The following LPP variants were observed in gnomAD, a reference collection of about 807,000 sequenced individuals.
LPP encodes LIM domain containing preferred translocation partner in lipoma.
LPP carries 38 observed loss-of-function variants against 60.4 expected under a neutral mutation model. The ratio of observed to expected loss-of-function variants is 0.63; its 90% CI spans 0.49 to 0.83. LPP has a LOEUF of 0.83. LPP is among the 40% of genes least tolerant of loss of function. The pLI, the probability that LPP is intolerant of heterozygous loss-of-function variation, is 0.00. For synonymous variants in LPP, 328 were observed against 290.8 expected (o/e 1.13, Z -1.30); for missense variants, 902 against 783.6 (o/e 1.15, Z -1.80).
intron 1 of LPP, among the ~76,000 whole-genome samples, chr3:188,178,359 C>T (rs1367892022): frequency 6.6e-6 from 1 of 152,172 alleles, no homozygotes; most frequent in Non-Finnish European, 1.5e-5. Flanking sequence ...GGTGATTGTC[C>T]ATGTTTCTTC....
upstream of LPP, chr3:188,153,576 A>G (rs1334515699): frequency 1.3e-5 from 2 of 152,170 alleles, no homozygotes; most frequent in African/African-American, 4.8e-5. Flanking sequence ...CAAAGTCTCC[A>G]CATCTCCCTC....
intron 9 of LPP, among the ~76,000 whole-genome samples, chr3:188,810,566 CTTTT>C (rs1210745589): frequency 6.6e-6 from 1 of 152,018 alleles, no homozygotes; most frequent in Non-Finnish European, 1.5e-5. Flanking sequence ...TGCTATTAAT[CTTTT>C]TTGTGTCTAA....
At chr3:188,761,316 C>T (rs1305167751) in intron 9 of LPP, among the ~76,000 whole-genome samples, 4 of 152,146 alleles carry the variant, frequency 2.6e-5, no homozygotes, top group Non-Finnish European at 5.9e-5. Context: ...GCAGCTCTAA[C>T]CCATTGTAAC....
At chr3:188,418,787 C>T (rs765297480) in intron 4 of LPP, among the ~76,000 whole-genome samples, 7 of 151,946 alleles carry the variant, frequency 4.6e-5, no homozygotes, top group South Asian at 4.1e-4. Flanking sequence ...TGTCTCAAGG[C>T]GACATTATTT....
At chr3:188,834,324 G>GTTTTTTTTTTTTTTTTTTTTTTTTTTTTT (rs71867135) in intron 9 of LPP, among the ~76,000 whole-genome samples, 6 of 34,098 alleles carry the variant, frequency 1.8e-4, no homozygotes, top group Non-Finnish European at 3.0e-4. Context: ...CTTTTTGGGT[G>GTTTTTTTTTTTTTTTTTTTTTTTTTTTTT]TTTTTTTTTT....
At chr3:188,456,161 G>A (rs904513050) in intron 4 of LPP, among the ~76,000 whole-genome samples, 2 of 152,156 alleles carry the variant, frequency 1.3e-5, no homozygotes, top group Admixed American at 6.5e-5. Context: ...GCGATTACAG[G>A]CGTGAGCCAA....
chr3:188,545,521 C>T (rs976048908), intron 6 of LPP, among the ~76,000 whole-genome samples: 1 of 151,950 alleles, frequency 6.6e-6, no homozygotes, highest in Non-Finnish European at 1.5e-5. Flanking sequence ...TTTGATAGTA[C>T]TCCATGAAAA....
intron 3 of LPP, among the ~76,000 whole-genome samples, chr3:188,389,182 T>C (rs1357896225): frequency 6.6e-6 from 1 of 152,122 alleles, no homozygotes; most frequent in Non-Finnish European, 1.5e-5. Flanking sequence ...CTGATGTCTC[T>C]TTTTATGTGA....
At chr3:188,707,659 A>C (rs1865751718) in intron 7 of LPP, among the ~76,000 whole-genome samples, 1 of 152,180 alleles carries the variant, frequency 6.6e-6, no homozygotes. Context: ...GATTTATCTC[A>C]TTTCCTATCT....
At chr3:188,617,088 T>A (rs1580428417) in intron 7 of LPP, among the ~76,000 whole-genome samples, 1 of 152,266 alleles carries the variant, frequency 6.6e-6, no homozygotes, top group East Asian at 1.9e-4. Flanking sequence ...TTTGAAAGAT[T>A]TGCTTGCTGA....
chr3:188,824,566 A>G (rs1022063742), intron 9 of LPP, among the ~76,000 whole-genome samples: 1 of 151,986 alleles, frequency 6.6e-6, no homozygotes, highest in African/African-American at 2.4e-5. Context: ...TGGGGATGGT[A>G]TCACCTTGAG....
chr3:188,318,218 T>A (rs952505581), intron 2 of LPP, among the ~76,000 whole-genome samples: 1 of 152,202 alleles, frequency 6.6e-6, no homozygotes, highest in Non-Finnish European at 1.5e-5. Flanking sequence ...GCCTTGCTTT[T>A]TAATTTTAGG....
chr3:188,666,204 A>G (rs544801698), intron 7 of LPP, among the ~76,000 whole-genome samples: 1 of 152,346 alleles, frequency 6.6e-6, no homozygotes, highest in Admixed American at 6.5e-5. Flanking sequence ...CTAGTATTTT[A>G]CAAATTAACA....
chr3:188,240,187 C>G (rs139212138), intron 2 of LPP: 2 of 181,764 alleles, frequency 1.1e-5, no homozygotes, highest in Admixed American at 6.3e-5. Flanking sequence ...TAAATGATAT[C>G]TGTGTGTTTC....
chr3:188,794,609 GA>G (rs2151065518), intron 9 of LPP, among the ~76,000 whole-genome samples: 1 of 152,282 alleles, frequency 6.6e-6, no homozygotes, highest in African/African-American at 2.4e-5. Flanking sequence ...GAGGAGATTT[GA>G]GATTCAGCAC....
At chr3:188,420,157 T>A (rs1313404724) in intron 4 of LPP, among the ~76,000 whole-genome samples, 1 of 152,132 alleles carries the variant, frequency 6.6e-6, no homozygotes, top group Non-Finnish European at 1.5e-5. Context: ...AAAAATAATC[T>A]TAGTTGTATC....
At chr3:188,790,568 C>T (rs745989735) in intron 9 of LPP, among the ~76,000 whole-genome samples, 10 of 152,040 alleles carry the variant, frequency 6.6e-5, no homozygotes, top group Non-Finnish European at 8.8e-5. Context: ...CAGTGGCTCA[C>T]GCCTGTAATC....
chr3:188,698,206 T>C (rs553166015), intron 7 of LPP, among the ~76,000 whole-genome samples: 1 of 152,108 alleles, frequency 6.6e-6, no homozygotes, highest in South Asian at 2.1e-4. Flanking sequence ...CTGCCAGGCA[T>C]GTGGGGCACA....
chr3:188,344,572 A>G (rs1391278188), intron 3 of LPP, among the ~76,000 whole-genome samples: 1 of 152,150 alleles, frequency 6.6e-6, no homozygotes, highest in Non-Finnish European at 1.5e-5. Flanking sequence ...GTTCTCTTAT[A>G]TATGATTTTA....
Sources: gnomAD v4.1 joint callset for allele counts (sites outside exome capture counted in the v4.1 genomes callset) on GRCh38, gnomAD v4.1.1 for gene constraint, MANE v1.5 for transcripts, NCBI Gene and HGNC (gene_info 2026-07-23, HGNC 2026-07-21) for gene names.